The following TRIM66 variants were observed in gnomAD, a reference collection of about 807,000 sequenced individuals.
TRIM66 encodes the protein tripartite motif-containing protein 66.
A neutral mutation model predicts 148.2 loss-of-function variants in TRIM66; 99 were observed. The observed-to-expected ratio is 0.67, with a 90% confidence interval of 0.57 to 0.79. TRIM66 has a LOEUF of 0.79. TRIM66 is among the 30% of genes least tolerant of loss of function. The pLI, the probability that TRIM66 is intolerant of heterozygous loss-of-function variation, is 0.00. For missense variants in TRIM66, 1,666 were observed against 1,697.9 expected (o/e 0.98, Z 0.33); for synonymous variants, 616 against 635.9 (o/e 0.97, Z 0.47).
intron 6 of TRIM66, among the ~76,000 whole-genome samples, chr11:8,665,035 C>A (rs965123874): frequency 1.9e-4 from 29 of 151,968 alleles, no homozygotes; most frequent in African/African-American, 7.0e-4. Context: ...TGGTTGGAGG[C>A]ATTGAAGCTA....
intron 15 of TRIM66, 140 bp downstream of exon 15, chr11:8,638,514 A>G (rs565027155): frequency 1.1e-6 from 1 of 895,484 alleles, no homozygotes. Context: ...CTACGGCAGA[A>G]GGCATGAATC....
At chr11:8,681,723 TAA>T (rs963513568) in intron 1 of TRIM66, among the ~76,000 whole-genome samples, 1 of 151,368 alleles carries the variant, frequency 6.6e-6, no homozygotes, top group South Asian at 2.1e-4. Context: ...GAGTGTGGAT[TAA>T]AAAAAACAGT....
At chr11:8,667,461 A>T (rs1031685282) in intron 6 of TRIM66, among the ~76,000 whole-genome samples, 3 of 152,238 alleles carry the variant, frequency 2.0e-5, no homozygotes, top group Non-Finnish European at 4.4e-5. Context: ...ATATCTAATA[A>T]GAGATTGGTA....
chr11:8,650,156 T>C (rs765088668), intron 7 of TRIM66, among the ~76,000 whole-genome samples: 1 of 152,102 alleles, frequency 6.6e-6, no homozygotes, highest in African/African-American at 2.4e-5. Flanking sequence ...GAGGAGTGCT[T>C]GAGCCCAGGA....
chr11:8,625,628 T>G (rs1401380444), intron 15 of TRIM66, among the ~76,000 whole-genome samples: 1 of 152,158 alleles, frequency 6.6e-6, no homozygotes, highest in Non-Finnish European at 1.5e-5. Flanking sequence ...AGGGTCCGGC[T>G]GTGGGACTGC....
chr11:8,657,713 C>A (rs1224142840), intron 6 of TRIM66, among the ~76,000 whole-genome samples: 1 of 152,146 alleles, frequency 6.6e-6, no homozygotes, highest in African/African-American at 2.4e-5. Flanking sequence ...GCACCAGGAG[C>A]ACCAGCTAAG....
rs2033430336 is a variant in TRIM66, at chr11:8,612,091, T to C, written c.*5853A>G. The C allele has an allele frequency of 6.6e-6, 1 of 152,264 alleles. No individual in the cohort carries two copies. The highest frequency in any genetic ancestry group is 1.9e-4 in the East Asian group (1 of 5,184). The allele number at this position is 152,264 out of a possible 1,614,324, so 9.4% of individuals were successfully genotyped here. On this transcript the variant is annotated 3_prime_UTR_variant, in exon 25 of 25. Transcript: ENST00000646038. ...TTTGTTCTTGAATGTATAGGTTCTT[T>C]TAAAATCAGCTATACTTCCCTTTAA...
Position 8,616,942 on chromosome 11 carries a change from G to A in TRIM66, c.*1002C>T, listed in dbSNP as rs1414609689. The A allele has an allele frequency of 6.6e-6, 1 of 152,250 alleles. No individual in the cohort carries two copies. The highest frequency in any genetic ancestry group is 2.4e-5 in the African/African-American group (1 of 41,440). The allele number at this position is 152,250 out of a possible 1,614,324, so 9.4% of individuals were successfully genotyped here. A position where few individuals can be genotyped will look rare whatever the true frequency, so the allele number is the denominator to read the frequency against. On this transcript the variant is annotated 3_prime_UTR_variant, in exon 25 of 25. Transcript: ENST00000646038. ...GTTGAGAACTAGAATCTTTAAGCAG[G>A]AGGAGAGGCCCAGAGGAGTGAGCTG...
rs2039494380 is a variant in TRIM66 at position 8,682,576 on chromosome 11, CCGAGCCTAGCACAA to C, written c.-548+11_-548+24del. On this transcript the variant is annotated intron_variant, in intron 1 of 24. Coordinates refer to ENST00000646038, the MANE Select transcript of TRIM66 (RefSeq NM_001388022.1). ...CCGATTCTTCAACAGTTCTCGCCCT[CCGAGCCTAGCACAA>C]CGAGCCTCACCGAAACCGTACACCG... 2.0e-5 allele frequency: 12 copies of C among 592,248 alleles called. No homozygotes were observed. In the South Asian group the frequency reaches 2.1e-4, roughly 11 times the overall value. The allele number at this position is 592,248 out of a possible 1,614,324, so 36.7% of individuals were successfully genotyped here. A position where few individuals can be genotyped will look rare whatever the true frequency, so the allele number is the denominator to read the frequency against.
chr11:8,625,156 T>A lies in TRIM66; in HGVS notation c.2383A>T (p.Arg795Trp). 6.5e-7 allele frequency: 1 copy of A among 1,546,206 alleles called. No individual in the cohort carries two copies. The highest frequency in any genetic ancestry group is 8.7e-7 in the Non-Finnish European group (1 of 1,143,334). The change falls in exon 16 of 25, where the codon AGG becomes TGG. Residue 795 changes from arginine to tryptophan, a missense_variant. By Grantham distance (101) the Arg-to-Trp change is moderately radical. Coordinates refer to ENST00000646038, the MANE Select transcript of TRIM66 (RefSeq NM_001388022.1). ...CTCTGGATCTGTGGCTCTAGGGGCC[T>A]CTCCAACCTGGTAGATGACAACTCC... ...EMELSSTRLE[R>W]PLEPQIQSVS...
rs1302366880 is a variant in TRIM66 at position 8,672,308 on chromosome 11, G to C, written c.-34C>G. On this transcript the variant is annotated 5_prime_UTR_variant, in exon 5 of 25. Coordinates refer to ENST00000646038, the MANE Select transcript of TRIM66 (RefSeq NM_001388022.1). The stretch of plus-strand genomic sequence containing the variant: ...TGGAAAACAAAGCGTGGAGGTGTCT[G>C]CTGTTTGTCTGAAGGCGAACAAACC... 1 of 1,536,090 alleles carries C rather than the reference G, an allele frequency of 6.5e-7. No individual in the cohort carries two copies. Among genetic ancestry groups the C allele is most frequent in the Admixed American group, 2.0e-5 (1 of 50,994 alleles).
Position 8,640,363 on chromosome 11 carries a change from T to G in TRIM66, c.2012A>C (p.Gln671Pro). ...CAGTTGCAGGCTGGGCTGTTGAGCC[T>G]GGAGAAGAAGCTCCAAGTCCTTCTG... ...EMQKDLELLL[Q>P]AQQPSLQLSQ... is the part of the protein sequence containing the mutation. Residue 671 changes from glutamine to proline, a missense_variant, in exon 14 of 25, where the codon CAG becomes CCG. Physicochemically the swap from Gln to Pro is moderately conservative, Grantham distance 76. Transcript: ENST00000646038. The G allele has an allele frequency of 6.4e-7, 1 of 1,551,744 alleles. No homozygotes were observed. Among genetic ancestry groups the G allele is most frequent in the Non-Finnish European group, 8.7e-7 (1 of 1,147,006 alleles).
At chr11:8,622,365 C>CACACACACACACATATATATATATAT in intron 18 of TRIM66, among the ~76,000 whole-genome samples, 24 of 59,602 alleles carry the variant, frequency 4.0e-4, no homozygotes, top group Non-Finnish European at 6.3e-4. Context: ...CACACACACA[C>CACACACACACACATATATATATATAT]ATATATATAT....
At chr11:8,634,536 G>C (rs1175590781) in intron 15 of TRIM66, among the ~76,000 whole-genome samples, 1 of 152,212 alleles carries the variant, frequency 6.6e-6, no homozygotes, top group Non-Finnish European at 1.5e-5. Context: ...TGAAATGAAT[G>C]CATCAAAATG....
chr11:8,646,670 G>T, intron 10 of TRIM66, 109 bp from the exon 11 acceptor site: 1 of 773,726 alleles, frequency 1.3e-6, no homozygotes, highest in Non-Finnish European at 2.2e-6. Flanking sequence ...TGAGATCAGG[G>T]CCTAGCAGAC....
At chr11:8,638,950 T>G in intron 14 of TRIM66, 135 bp from the exon 15 acceptor site, 1 of 911,280 alleles carries the variant, frequency 1.1e-6, no homozygotes, top group South Asian at 1.9e-5. Flanking sequence ...CTTAAACGTT[T>G]TCCAAAAAGA....
chr11:8,620,708 G>T, intron 20 of TRIM66, 136 bp from the exon 21 acceptor site: 1 of 1,385,792 alleles, frequency 7.2e-7, no homozygotes, highest in Non-Finnish European at 9.5e-7. Flanking sequence ...CTAGCCACAG[G>T]CTTGGAAGAA....
At chr11:8,643,337 C>T (rs933885850) in intron 12 of TRIM66, among the ~76,000 whole-genome samples, 1 of 140,516 alleles carries the variant, frequency 7.1e-6, no homozygotes, top group Admixed American at 7.2e-5. Flanking sequence ...AACCTACATT[C>T]TTTTTTTTTT....
At chr11:8,669,914 T>C (rs192529781) in intron 6 of TRIM66, among the ~76,000 whole-genome samples, 2 of 152,166 alleles carry the variant, frequency 1.3e-5, no homozygotes, top group Non-Finnish European at 1.5e-5. Flanking sequence ...TATAGGTACA[T>C]TGTGTGTCAT....
Sources: allele counts gnomAD v4.1 joint callset (sites outside exome capture counted in the v4.1 genomes callset), GRCh38; gene constraint gnomAD v4.1.1; transcripts MANE v1.5; gene names NCBI Gene and HGNC (gene_info 2026-07-23, HGNC 2026-07-21).